The following MGST3 variants were observed in gnomAD, a reference collection of about 807,000 sequenced individuals.
MGST3 encodes glutathione S-transferase 3, mitochondrial.
Under a neutral mutation model 15.8 loss-of-function variants are expected in MGST3, and 13 were observed. The observed-to-expected ratio is 0.82, with a 90% CI of 0.54 to 1.31. The LOEUF is 1.31. MGST3 is among the 50% of genes most tolerant of loss of function. The probability of loss-of-function intolerance (pLI) is 0.00; values close to 1 mark genes in which losing one functional copy is unlikely to be tolerated. For synonymous variants in MGST3, 49 were observed against 68.1 expected (o/e 0.72, Z 1.38); for missense variants, 155 against 192.4 (o/e 0.81, Z 1.15).
At chr1:165,646,013 C>T (rs1037335146) in intron 1 of MGST3, 1 of 152,196 alleles carries the variant, frequency 6.6e-6, no homozygotes, top group Non-Finnish European at 1.5e-5. Context: ...AAAGTTCCCA[C>T]TCTCAAGAAC....
chr1:165,640,460 T>C (rs545403148), intron 1 of MGST3, among the ~76,000 whole-genome samples: 2 of 151,914 alleles, frequency 1.3e-5, no homozygotes, highest in Admixed American at 1.3e-4. Flanking sequence ...TTGAATCAGA[T>C]AGAATCACCA....
At chr1:165,648,032 TTTTA>T (rs1199093405) in intron 1 of MGST3, 1 of 152,230 alleles carries the variant, frequency 6.6e-6, no homozygotes, top group African/African-American at 2.4e-5. Flanking sequence ...GTTCAGTCAT[TTTTA>T]TTTATTTTCA....
intron 1 of MGST3, among the ~76,000 whole-genome samples, chr1:165,644,333 T>C (rs1648336850): frequency 6.6e-6 from 1 of 152,234 alleles, no homozygotes; most frequent in Non-Finnish European, 1.5e-5. Flanking sequence ...GTACAGCATG[T>C]TACTGTACTG....
chr1:165,631,713 GT>G (rs1394564310), intron 1 of MGST3, among the ~76,000 whole-genome samples: 1 of 152,160 alleles, frequency 6.6e-6, no homozygotes, highest in East Asian at 1.9e-4. Context: ...CGGGGGAGTG[GT>G]TGTGCAGGCC....
At chr1:165,633,892 G>A (rs1648028154) in intron 1 of MGST3, among the ~76,000 whole-genome samples, 1 of 151,962 alleles carries the variant, frequency 6.6e-6, no homozygotes, top group South Asian at 2.1e-4. Context: ...GTGTTACTTT[G>A]CTCCTTGCAA....
intron 3 of MGST3, chr1:165,651,335 T>G: frequency 1.8e-6 from 1 of 544,878 alleles, no homozygotes; most frequent in South Asian, 2.0e-5. Context: ...CATTACCTAC[T>G]ACAGTTTTGC....
chr1:165,636,111 GA>G (rs1648106004), intron 1 of MGST3, among the ~76,000 whole-genome samples: 1 of 152,176 alleles, frequency 6.6e-6, no homozygotes, highest in Non-Finnish European at 1.5e-5. Flanking sequence ...CTAGCATTCT[GA>G]AAATGTAGTC....
Position 165,652,002 on chromosome 1 carries a change from A to C in MGST3, c.216A>C (p.Leu72Phe). Residue 72 changes from leucine to phenylalanine, a missense_variant, in exon 4 of 6, where the codon TTA becomes TTC. Physicochemically the swap from Leu to Phe is conservative, Grantham distance 22 (BLOSUM62 0). Coordinates refer to ENST00000367889, the MANE Select transcript of MGST3 (RefSeq NM_004528.4). ...GGTTGGAAGTGTATCCTCCCTTCTT[A>C]TTTTTTCTAGCTGTTGGAGGTGTTT... ...QNTLEVYPPF[L>F]FFLAVGGVYH... 1 of 1,609,138 alleles carries C rather than the reference A, an allele frequency of 6.2e-7. No homozygotes were observed. The highest frequency in any genetic ancestry group is 1.1e-5 in the South Asian group (1 of 90,884).
chr1:165,654,075 A>G (rs1648635959), intron 4 of MGST3: 1 of 571,624 alleles, frequency 1.7e-6, no homozygotes, highest in Admixed American at 2.6e-5. Flanking sequence ...CCAGGTCCAC[A>G]AGCCAAGCCA....
At chr1:165,640,853 C>T (rs547662425) in intron 1 of MGST3, among the ~76,000 whole-genome samples, 1 of 152,184 alleles carries the variant, frequency 6.6e-6, no homozygotes, top group Non-Finnish European at 1.5e-5. Context: ...CCTGATGCAA[C>T]AGCCCTGCCC....
intron 1 of MGST3, chr1:165,646,500 T>C (rs927452018): frequency 6.6e-6 from 1 of 152,256 alleles, no homozygotes; most frequent in Non-Finnish European, 1.5e-5. Context: ...TTCTTAAGAT[T>C]TCTCTTTCTG....
intron 1 of MGST3, among the ~76,000 whole-genome samples, chr1:165,635,112 G>C (rs1489493861): frequency 6.6e-6 from 1 of 151,776 alleles, no homozygotes; most frequent in East Asian, 1.9e-4. Context: ...CGCCCTCTGA[G>C]GTTGCTGCCT....
chr1:165,635,281 G>A (rs1338614439), intron 1 of MGST3, among the ~76,000 whole-genome samples: 2 of 152,146 alleles, frequency 1.3e-5, no homozygotes, highest in Non-Finnish European at 2.9e-5. Context: ...TATACCTGCA[G>A]GGGAACCTGG....
chr1:165,651,919 T>C, intron 3 of MGST3, 59 bp from the exon 4 acceptor site: 1 of 838,048 alleles, frequency 1.2e-6, no homozygotes, highest in Non-Finnish European at 1.9e-6. Context: ...AAATTCATAA[T>C]TCTACACAGG....
chr1:165,649,348 TTCTC>T (rs144759247), intron 1 of MGST3: 25 of 162,432 alleles, frequency 1.5e-4, no homozygotes, highest in Admixed American at 5.3e-4. Flanking sequence ...CTTTCTTGCT[TTCTC>T]TCTCTCTCTC....
chr1:165,655,705 G>A lies in MGST3; in HGVS notation c.*201G>A. ...CTACTAGATGAGAAAGGAGCCACAA[G>A]TATTGTGCCCTCTCCTCACCCTTCC... On this transcript the variant is annotated 3_prime_UTR_variant, in exon 6 of 6. Transcript: ENST00000367889. The A allele has an allele frequency of 3.2e-6, 2 of 631,608 alleles. No homozygotes were observed. Among genetic ancestry groups the A allele is most frequent in the Non-Finnish European group, 2.7e-6 (1 of 371,114 alleles). 39.1% of individuals were successfully genotyped at this position (631,608 alleles called of 1,614,324 possible).
chr1:165,654,405 T>C lies in MGST3; in HGVS notation c.322+54T>C, dbSNP rs190902457. ...AACAACTTTAAAATTTTAAATCCTA[T>C]GCTGGCCAGGCACAGTGGCTTACAC... On this transcript the variant is annotated intron_variant, in intron 5 of 5. Coordinates refer to ENST00000367889, the MANE Select transcript of MGST3 (RefSeq NM_004528.4). 1.8e-5 allele frequency: 27 copies of C among 1,539,374 alleles called. No individual in the cohort carries two copies. The East Asian group carries it at 3.2e-4, about 18-fold the overall frequency.
At chr1:165,655,275 A>C in intron 5 of MGST3, 93 bp from the exon 6 acceptor site, 9 of 1,529,744 alleles carry the variant, frequency 5.9e-6, no homozygotes, top group Non-Finnish European at 8.1e-6. Flanking sequence ...CTAATGTACA[A>C]CCTCAGATGC....
intron 1 of MGST3, among the ~76,000 whole-genome samples, chr1:165,640,376 C>T (rs1017996708): frequency 6.6e-6 from 1 of 151,926 alleles, no homozygotes; most frequent in African/African-American, 2.4e-5. Flanking sequence ...AGGGGTGGTA[C>T]AGAAGGAGCA....
Sources: allele counts gnomAD v4.1 joint callset (sites outside exome capture counted in the v4.1 genomes callset), GRCh38; gene constraint gnomAD v4.1.1; transcripts MANE v1.5; gene names NCBI Gene and HGNC (gene_info 2026-07-23, HGNC 2026-07-21).